Variants in ARHGEF11 observed in about 807,000 individuals in gnomAD.
ARHGEF11 encodes Rho guanine exchange factor (GEF) 11.
Under a neutral mutation model 193.7 loss-of-function variants are expected in ARHGEF11, and 55 were observed. That is an observed-to-expected ratio of 0.28 (90% confidence interval 0.23 to 0.36). ARHGEF11 has a LOEUF of 0.36. Ranked by LOEUF, ARHGEF11 falls within the 10% of genes least tolerant of loss-of-function variation. The probability of loss-of-function intolerance (pLI) is 1.00; values close to 1 mark genes in which losing one functional copy is unlikely to be tolerated. For missense variants in ARHGEF11, 1,723 were observed against 2,005.6 expected (o/e 0.86, Z 2.69); for synonymous variants, 693 against 768.0 (o/e 0.90, Z 1.62).
intron 1 of ARHGEF11, among the ~76,000 whole-genome samples, chr1:157,001,322 A>T (rs2102677118): frequency 6.6e-6 from 1 of 152,288 alleles, no homozygotes; most frequent in East Asian, 1.9e-4. Context: ...TATACTTGAT[A>T]TACATAGTTG....
At position 157,044,420 on chromosome 1, in the gene ARHGEF11, A is replaced by G. The variant is rs1673128727; in HGVS notation, c.-90T>C. 7.9e-7 allele frequency: 1 copy of G among 1,264,444 alleles called. No individual in the cohort carries two copies. Among genetic ancestry groups the G allele is most frequent in the African/African-American group, 1.5e-5 (1 of 67,574 alleles). 78.3% of individuals were successfully genotyped at this position (1,264,444 alleles called of 1,614,324 possible). A position where few individuals can be genotyped will look rare whatever the true frequency, so the allele number is the denominator to read the frequency against. ...GCTTGCAATTTTTGAGCAAGGTGAG[A>G]GGAGGGCCTCCCAACTTGAAGATAG... On this transcript the variant is annotated 5_prime_UTR_variant, in exon 1 of 41. Coordinates refer to ENST00000368194, the MANE Select transcript of ARHGEF11 (RefSeq NM_198236.3).
chr1:157,040,358 G>A (rs1672582639), intron 1 of ARHGEF11, among the ~76,000 whole-genome samples: 1 of 152,208 alleles, frequency 6.6e-6, no homozygotes, highest in African/African-American at 2.4e-5. Flanking sequence ...ATAAAGACCA[G>A]AAGCCAAGGT....
intron 28 of ARHGEF11, 45 bp downstream of exon 28, chr1:156,946,617 C>A: frequency 6.2e-7 from 1 of 1,613,204 alleles, no homozygotes; most frequent in Non-Finnish European, 8.5e-7. Context: ...TCCTTGGTGA[C>A]CTTGATGGAG....
At chr1:157,026,549 A>T (rs1317924026) in intron 1 of ARHGEF11, among the ~76,000 whole-genome samples, 1 of 152,172 alleles carries the variant, frequency 6.6e-6, no homozygotes, top group African/African-American at 2.4e-5. Context: ...AAAGTTCAGT[A>T]CCCTCAACAA....
chr1:156,992,379 T>TCCTG (rs142498260), intron 1 of ARHGEF11, among the ~76,000 whole-genome samples: 4,086 of 152,292 alleles, frequency 0.027, 72 homozygotes, highest in South Asian at 0.054. Context: ...GGTGCGTCAG[T>TCCTG]CCTGCCTATT....
chr1:157,005,677 T>C (rs759108765), intron 1 of ARHGEF11, among the ~76,000 whole-genome samples: 5 of 152,232 alleles, frequency 3.3e-5, no homozygotes, highest in Admixed American at 6.5e-5. Context: ...TTTATTCTTG[T>C]ACTGCTACTT....
chr1:156,944,095 G>T lies in ARHGEF11; in HGVS notation c.3075C>A (p.His1025Gln). The change falls in exon 32 of 41, where the codon CAC (histidine) becomes CAA (glutamine). Residue 1025 changes from histidine to glutamine, a missense_variant. His to Gln is a conservative substitution (Grantham distance 24). Around this residue, in one of 5 missense-constraint regions of ARHGEF11, gnomAD observed 491 missense variants for 654.5 expected, o/e 0.75. Coordinates refer to ENST00000368194, the MANE Select transcript of ARHGEF11 (RefSeq NM_198236.3). ...CTAGGAGGTCCTCCAGCAGCAGCACGTGGAGGTCTGGAGGGGTATGGTCAT... is the reference window on the plus strand; with the variant it reads ...CTAGGAGGTCCTCCAGCAGCAGCACTTGGAGGTCTGGAGGGGTATGGTCAT... Reference protein sequence around the residue: ...RISKDKTLDLHVLLLEDLLVL... With the variant: ...RISKDKTLDLQVLLLEDLLVL... 6.2e-7 allele frequency: 1 copy of T among 1,613,616 alleles called. No homozygotes were observed. The highest frequency in any genetic ancestry group is 2.2e-5 in the East Asian group (1 of 44,880).
chr1:157,028,800 A>G (rs1670952369), intron 1 of ARHGEF11, among the ~76,000 whole-genome samples: 1 of 152,198 alleles, frequency 6.6e-6, no homozygotes, highest in Non-Finnish European at 1.5e-5. Context: ...AGGAAATGCA[A>G]ATCAAACCAC....
intron 1 of ARHGEF11, among the ~76,000 whole-genome samples, chr1:157,005,096 T>C (rs1002458438): frequency 2.0e-5 from 3 of 152,208 alleles, no homozygotes; most frequent in African/African-American, 7.2e-5. Context: ...TATTCTGAAA[T>C]GTAGGGCTGA....
At chr1:156,986,539 A>T (rs989505863) in intron 1 of ARHGEF11, among the ~76,000 whole-genome samples, 1 of 152,204 alleles carries the variant, frequency 6.6e-6, no homozygotes, top group Admixed American at 6.5e-5. Context: ...GGAGCAGCAG[A>T]GAAAATGAAT....
chr1:156,961,732 T>C lies in ARHGEF11; in HGVS notation c.1184A>G (p.Lys395Arg), dbSNP rs759738574. ...GTCTTTCCCCAAGCTTCGGGAATCC[T>C]TGGGGCTTGCCTGCTGATAAACTTC... Reference protein sequence around the residue: ...CAEVYQQASPKDSRSLGKDIW... With the variant: ...CAEVYQQASPRDSRSLGKDIW... The change falls in exon 14 of 41, where the codon AAG becomes AGG. Residue 395 changes from lysine (K) to arginine (R), a missense_variant. By Grantham distance (26) the Lys-to-Arg change is conservative. Around this residue, in one of 5 missense-constraint regions of ARHGEF11, gnomAD observed 646 missense variants for 710.7 expected, o/e 0.91. Transcript: ENST00000368194. 4.3e-6 allele frequency: 7 copies of C among 1,614,250 alleles called. No homozygotes were observed. The highest frequency in any genetic ancestry group is 3.3e-5 in the South Asian group (3 of 91,088).
chr1:156,971,594 G>A, intron 8 of ARHGEF11, 103 bp downstream of exon 8: 1 of 1,436,156 alleles, frequency 7.0e-7, no homozygotes, highest in South Asian at 1.5e-5. Flanking sequence ...CAGCCTTGAG[G>A]TCCTGGCATA....
At chr1:157,010,683 T>C (rs1029559472) in intron 1 of ARHGEF11, among the ~76,000 whole-genome samples, 1 of 152,182 alleles carries the variant, frequency 6.6e-6, no homozygotes, top group South Asian at 2.1e-4. Context: ...GCTGGGATTA[T>C]AGGCATGAGC....
chr1:157,020,957 C>T (rs1292789460), intron 1 of ARHGEF11, among the ~76,000 whole-genome samples: 1 of 152,194 alleles, frequency 6.6e-6, no homozygotes, highest in Non-Finnish European at 1.5e-5. Flanking sequence ...ATGTGCTCCC[C>T]ACCCACTCTT....
At chr1:157,001,152 C>T (rs1253472661) in intron 1 of ARHGEF11, among the ~76,000 whole-genome samples, 1 of 152,178 alleles carries the variant, frequency 6.6e-6, no homozygotes, top group Non-Finnish European at 1.5e-5. Flanking sequence ...TGCCTGTGTA[C>T]TGCTTTTAAA....
chr1:157,036,663 T>C (rs1672087158), intron 1 of ARHGEF11, among the ~76,000 whole-genome samples: 1 of 152,048 alleles, frequency 6.6e-6, no homozygotes, highest in African/African-American at 2.4e-5. Flanking sequence ...GCTCTAAAAC[T>C]ATTTGGTAGA....
intron 32 of ARHGEF11, 110 bp from the exon 33 acceptor site, chr1:156,942,890 T>C (rs980054222): frequency 9.4e-6 from 8 of 847,580 alleles, no homozygotes; most frequent in African/African-American, 1.7e-5. Context: ...TCAACGCAGA[T>C]GGAGAGTGCA....
At chr1:156,967,808 A>G in intron 11 of ARHGEF11, 179 bp downstream of exon 11, 2 of 767,170 alleles carry the variant, frequency 2.6e-6, no homozygotes, top group Non-Finnish European at 4.2e-6. Flanking sequence ...TCATATCTCT[A>G]TTTATGCCAT....
In ARHGEF11 at chr1:156,978,179, G is replaced by C. The variant is rs765063558; in HGVS notation, c.510+25C>G. On this transcript the variant is annotated intron_variant, in intron 6 of 40. Transcript: ENST00000368194. ...CTTTTCAACAGGACATTAGGGTGAG[G>C]AAAGAAAGCCAGGAGGATTATTACC... 1.1e-5 allele frequency: 18 copies of C among 1,613,862 alleles called. No individual in the cohort carries two copies. The Admixed American group carries it at 1.7e-4, about 15-fold the overall frequency.
Sources: allele counts gnomAD v4.1 joint callset (sites outside exome capture counted in the v4.1 genomes callset), GRCh38; gene constraint gnomAD v4.1.1; regional missense constraint gnomAD v4.1.1; transcripts MANE v1.5; gene names NCBI Gene and HGNC (gene_info 2026-07-23, HGNC 2026-07-21).